RCC2: variants seen among roughly 807,000 people sequenced by gnomAD.
RCC2 encodes protein RCC2.
A neutral mutation model predicts 64.1 loss-of-function variants in RCC2; 19 were observed. The ratio of observed to expected loss-of-function variants is 0.30; its 90% CI spans 0.21 to 0.44. The LOEUF is 0.44. RCC2 is among the 20% of genes least tolerant of loss of function. RCC2 has a pLI of 1.00. For missense variants in RCC2, 508 were observed against 710.4 expected (o/e 0.72, Z 3.24); for synonymous variants, 325 against 279.6 (o/e 1.16, Z -1.62).
rs371533435 is a variant in RCC2, at chr1:17,410,001, C to T, written c.1437G>A (p.Lys479=). 2.5e-6 allele frequency: 4 copies of T among 1,613,896 alleles called. No individual in the cohort carries two copies. Among genetic ancestry groups the T allele is most frequent in the Non-Finnish European group, 3.4e-6 (4 of 1,179,922 alleles). ...GCTCTGAGAAAATGCCATCCAGAGT[C>T]TTTACCTCCTGGGCTGCAGTGGAAG... ...PKSSTAAQEV[K]TLDGIFSEQV... The change falls in exon 12 of 13, where the codon AAG becomes AAA. Residue 479 remains lysine, a synonymous_variant. Transcript: ENST00000375436.
In RCC2 at chr1:17,438,467, C is replaced by A; in HGVS notation, c.48G>T (p.Ser16=). Residue 16 remains serine, a synonymous_variant, in exon 2 of 13, where the codon TCG becomes TCT. Coordinates refer to ENST00000375436, the MANE Select transcript of RCC2 (RefSeq NM_018715.4). The part of the protein sequence containing the change: ...AAAAAWEEPS[S]GNGTARAGPR... ...GCCCGGCGCGGGCAGTGCCGTTGCC[C>A]GAGCTCGGCTCCTCCCAGGCCGCCG... 7.5e-7 allele frequency: 1 copy of A among 1,330,488 alleles called. No individual in the cohort carries two copies. Among genetic ancestry groups the A allele is most frequent in the East Asian group, 2.9e-5 (1 of 34,034 alleles). 82.4% of individuals were successfully genotyped at this position (1,330,488 alleles called of 1,614,324 possible).
intron 7 of RCC2, among the ~76,000 whole-genome samples, chr1:17,418,249 C>G (rs2075511851): frequency 1.4e-5 from 2 of 145,728 alleles, no homozygotes; most frequent in Non-Finnish European, 3.0e-5. Flanking sequence ...GAGTCTCGCT[C>G]TGTCGCCCAG....
At chr1:17,439,024 G>T (rs548023450) in intron 1 of RCC2, among the ~76,000 whole-genome samples, 1 of 147,960 alleles carries the variant, frequency 6.8e-6, no homozygotes, top group South Asian at 2.1e-4. Context: ...TTAATGCAAC[G>T]CTCTCCCCCA....
chr1:17,432,096 GAA>G (rs565900900), intron 2 of RCC2, among the ~76,000 whole-genome samples: 1 of 150,840 alleles, frequency 6.6e-6, no homozygotes, highest in Non-Finnish European at 1.5e-5. Context: ...CTCAAAAAGA[GAA>G]AAAAAAAGTT....
chr1:17,433,013 CAT>C (rs34130431), intron 2 of RCC2, among the ~76,000 whole-genome samples: 59 of 152,062 alleles, frequency 3.9e-4, no homozygotes, highest in African/African-American at 5.8e-4. Flanking sequence ...CTCACACACA[CAT>C]ATATATACAC....
At chr1:17,431,555 G>T (rs1433201222) in intron 2 of RCC2, among the ~76,000 whole-genome samples, 1 of 146,760 alleles carries the variant, frequency 6.8e-6, no homozygotes, top group Non-Finnish European at 1.5e-5. Flanking sequence ...GCAGCTCCAG[G>T]CCCAATCATT....
intron 7 of RCC2, among the ~76,000 whole-genome samples, chr1:17,420,449 TAA>T (rs1557626119): frequency 6.6e-6 from 1 of 152,166 alleles, no homozygotes; most frequent in African/African-American, 2.4e-5. Context: ...TCCCTTTATA[TAA>T]ATGAATTCCC....
chr1:17,439,085 C>G (rs1230068433), intron 1 of RCC2, among the ~76,000 whole-genome samples: 2 of 152,114 alleles, frequency 1.3e-5, no homozygotes, highest in African/African-American at 4.8e-5. Flanking sequence ...GGGTGCCGAC[C>G]TCGGGCTCTA....
rs777026104 is a variant in RCC2, at chr1:17,416,561, G to A, written c.945C>T (p.Phe315=). Residue 315 remains phenylalanine (F), a synonymous_variant, in exon 8 of 13, where the codon TTC becomes TTT. Transcript: ENST00000375436. ...CELVPRRVAI[F]IEKTKDGQIL... is the part of the protein sequence containing the mutation. ...TCTGTCCATCTTTCGTCTTCTCAAT[G>A]AAGATGGCCACTCGCCGGGGAACTA... The A allele has an allele frequency of 6.2e-7, 1 of 1,614,050 alleles. No homozygotes were observed. The highest frequency in any genetic ancestry group is 1.1e-5 in the South Asian group (1 of 91,064).
At chr1:17,434,329 G>A (rs2075714405) in intron 2 of RCC2, among the ~76,000 whole-genome samples, 1 of 152,178 alleles carries the variant, frequency 6.6e-6, no homozygotes, top group Non-Finnish European at 1.5e-5. Flanking sequence ...GATGATCAAT[G>A]GCTTAATCTA....
intron 2 of RCC2, among the ~76,000 whole-genome samples, chr1:17,435,283 A>G (rs145811500): frequency 1.3e-5 from 2 of 152,352 alleles, no homozygotes; most frequent in East Asian, 1.9e-4. Context: ...CAATGTAAGT[A>G]TTTGGCTCAT....
At chr1:17,437,657 G>T (rs975641907) in intron 2 of RCC2, among the ~76,000 whole-genome samples, 2 of 151,794 alleles carry the variant, frequency 1.3e-5, no homozygotes. Context: ...CCCGACCTCG[G>T]GGGAGGGCTC....
chr1:17,413,789 G>T, intron 8 of RCC2, 72 bp from the exon 9 acceptor site: 1 of 1,373,800 alleles, frequency 7.3e-7, no homozygotes, highest in Non-Finnish European at 1.0e-6. Flanking sequence ...CATCGTTTCT[G>T]TGCAGACAAC....
chr1:17,414,637 T>C (rs1439415745), intron 8 of RCC2, among the ~76,000 whole-genome samples: 1 of 151,826 alleles, frequency 6.6e-6, no homozygotes. Context: ...TTTTCGTTTC[T>C]TTTCCCCCCC....
chr1:17,435,789 G>A (rs1260403103), intron 2 of RCC2, among the ~76,000 whole-genome samples: 1 of 152,078 alleles, frequency 6.6e-6, no homozygotes, highest in African/African-American at 2.4e-5. Context: ...GTGGTGGTGG[G>A]CGTCTATAAT....
At chr1:17,432,097 A>G (rs1390863310) in intron 2 of RCC2, among the ~76,000 whole-genome samples, 2 of 151,532 alleles carry the variant, frequency 1.3e-5, no homozygotes, top group East Asian at 3.9e-4. Context: ...TCAAAAAGAG[A>G]AAAAAAAAGT....
Position 17,438,331 on chromosome 1 carries a change from C to G in RCC2, c.184G>C (p.Ala62Pro). 1.6e-6 allele frequency: 2 copies of G among 1,247,150 alleles called. No individual in the cohort carries two copies. Among genetic ancestry groups the G allele is most frequent in the Non-Finnish European group, 2.0e-6 (2 of 992,568 alleles). The allele number at this position is 1,247,150 out of a possible 1,614,324, so 77.3% of individuals were successfully genotyped here. A position where few individuals can be genotyped will look rare whatever the true frequency, so the allele number is the denominator to read the frequency against. Residue 62 changes from alanine (A) to proline (P), a missense_variant, in exon 2 of 13, where the codon GCC becomes CCC. Ala to Pro is a conservative substitution (Grantham distance 27). Around this residue, in one of 4 missense-constraint regions of RCC2, gnomAD observed 195 missense variants for 158.3 expected, o/e 1.23. Transcript: ENST00000375436. ...GDEDGLELDG[A>P]PGGGKRAARP... ...GCCGCGCGCTTGCCCCCGCCGGGGG[C>G]CCCGTCGAGCTCCAGGCCGTCCTCG...
chr1:17,422,558 G>T, intron 5 of RCC2, 147 bp downstream of exon 5: 1 of 1,087,856 alleles, frequency 9.2e-7, no homozygotes, highest in Non-Finnish European at 1.3e-6. Flanking sequence ...CCCTCAAGAA[G>T]CCACTCCATG....
intron 2 of RCC2, among the ~76,000 whole-genome samples, chr1:17,437,103 T>C (rs2075742811): frequency 6.6e-6 from 1 of 152,224 alleles, no homozygotes; most frequent in African/African-American, 2.4e-5. Flanking sequence ...GTTCCATCCA[T>C]GACTTTGGAC....
Sources: allele counts gnomAD v4.1 joint callset (sites outside exome capture counted in the v4.1 genomes callset), GRCh38; gene constraint gnomAD v4.1.1; regional missense constraint gnomAD v4.1.1; transcripts MANE v1.5; gene names NCBI Gene and HGNC (gene_info 2026-07-23, HGNC 2026-07-21).